Variants in IQANK1 observed in about 807,000 individuals in gnomAD.
The protein encoded by IQANK1 is IQ motif and ankyrin repeat domain-containing protein 1.
A neutral mutation model predicts 22.6 loss-of-function variants in IQANK1; 30 were observed. That is an observed-to-expected ratio of 1.33 (90% CI 0.99 to 1.80). The LOEUF (loss-of-function observed/expected upper bound fraction) is 1.80. Among genes scored for constraint, IQANK1 ranks in the 40% most tolerant of loss-of-function variants. IQANK1 has a pLI of 0.00. For missense variants in IQANK1, 275 were observed against 235.2 expected, an observed-to-expected ratio of 1.17 and a Z score of -1.11; for synonymous variants, 122 against 99.6, an observed-to-expected ratio of 1.23 and a Z score of -1.34.
chr8:143,744,950 A>G (rs1818998433), intron 3 of IQANK1: 1 of 152,238 alleles, frequency 6.6e-6, no homozygotes, highest in Non-Finnish European at 1.5e-5. Context: ...ATCTTGTCAA[A>G]GTCCTGGCGT....
chr8:143,774,639 C>T lies in IQANK1; in HGVS notation c.789+2157C>T, dbSNP rs1332859808. Among the ~76,000 whole-genome samples the T allele has an allele frequency of 6.6e-6, 1 of 152,212 alleles. No individual in the cohort carries two copies. The highest frequency in any genetic ancestry group is 1.5e-5 in the Non-Finnish European group (1 of 68,030). ...ACACATTTACCATGTAACACAGCAT[C>T]AGACTCCTAGACATTTGCTCCAGTA... On this transcript the variant is annotated intron_variant, in intron 7 of 13. Coordinates refer to ENST00000527139, the MANE Select transcript of IQANK1 (RefSeq NM_001381874.1). The surrounding 1 kb of genome is among the most constrained non-coding windows in gnomAD (Gnocchi z 4.2).
intron 3 of IQANK1, among the ~76,000 whole-genome samples, chr8:143,750,640 A>G (rs1554627918): frequency 6.6e-6 from 1 of 152,052 alleles, no homozygotes; most frequent in Non-Finnish European, 1.5e-5. Context: ...GTTGGAGACC[A>G]GCCTGGGCCA....
intron 3 of IQANK1, chr8:143,742,748 C>T (rs550221529): frequency 4.6e-5 from 21 of 455,770 alleles, no homozygotes; most frequent in Admixed American, 1.2e-4. Flanking sequence ...CTCCTGCACA[C>T]GGGATCCTCC....
Position 143,788,970 on chromosome 8 carries a change from C to T in IQANK1, c.845C>T (p.Thr282Met), listed in dbSNP as rs782536572. 30 of 399,336 alleles carry T rather than the reference C, an allele frequency of 7.5e-5. No individual in the cohort carries two copies. The highest frequency in any genetic ancestry group is 2.6e-4 in the Admixed American group (6 of 22,712). 24.7% of individuals were successfully genotyped at this position (399,336 alleles called of 1,614,324 possible). A position where few individuals can be genotyped will look rare whatever the true frequency, so the allele number is the denominator to read the frequency against. ...CTGCGCTCGTGGGACCTGAGCCTCA[C>T]GGAGGCCATGCTCCAGAACATGGAG... ...SVLRSWDLSL[T>M]EAMLQNMEAE... Residue 282 changes from threonine to methionine, a missense_variant, in exon 8 of 14, where the codon ACG becomes ATG. Transcript: ENST00000527139.
At position 143,757,010 on chromosome 8, in the gene IQANK1, G is replaced by A. The variant is rs1554628540; in HGVS notation, c.176-14478G>A. Among the ~76,000 whole-genome samples the A allele has an allele frequency of 3.9e-5, 6 of 151,978 alleles. No individual in the cohort carries two copies. In the South Asian group the frequency reaches 1.2e-3, roughly 32 times the overall value. On this transcript the variant is annotated intron_variant, in intron 3 of 13. Transcript: ENST00000527139. ...AAAAGTCTTATGCAGAAAAGAGCAT[G>A]ACTTTGCTCTAAAACGCTAGGGTTC...
intron 3 of IQANK1, chr8:143,746,381 ACT>A (rs1159482354): frequency 2.0e-5 from 3 of 151,556 alleles, no homozygotes; most frequent in African/African-American, 7.3e-5. Context: ...GGTTTCTCTC[ACT>A]CTCTTCTTTT....
chr8:143,778,865 G>A (rs1337183380), intron 7 of IQANK1, among the ~76,000 whole-genome samples: 1 of 152,190 alleles, frequency 6.6e-6, no homozygotes, highest in Non-Finnish European at 1.5e-5. Flanking sequence ...GGGTTTATGC[G>A]GTTCTCCTGC....
chr8:143,785,202 G>T (rs1819863776), intron 7 of IQANK1, among the ~76,000 whole-genome samples: 1 of 150,572 alleles, frequency 6.6e-6, no homozygotes, highest in Non-Finnish European at 1.5e-5. Flanking sequence ...TGTAGTTTCT[G>T]CAGATTTTTG....
intron 7 of IQANK1, among the ~76,000 whole-genome samples, chr8:143,787,037 G>A (rs1819902325): frequency 6.6e-6 from 1 of 152,190 alleles, no homozygotes; most frequent in Non-Finnish European, 1.5e-5. Context: ...TGACGCCTAG[G>A]GGAAACTGCT....
chr8:143,770,948 G>C (rs1347788378), intron 3 of IQANK1, among the ~76,000 whole-genome samples: 2 of 152,218 alleles, frequency 1.3e-5, no homozygotes, highest in Non-Finnish European at 1.5e-5. Flanking sequence ...GGCGGCTCCA[G>C]GCTCGGGCTC....
chr8:143,764,451 CAAAA>C (rs33978948), intron 3 of IQANK1, among the ~76,000 whole-genome samples: 2 of 129,494 alleles, frequency 1.5e-5, no homozygotes, highest in Admixed American at 7.9e-5. Flanking sequence ...TCCGTCGCTA[CAAAA>C]AAAAAAAAAA....
At chr8:143,752,996 G>GTT (rs34993930) in intron 3 of IQANK1, among the ~76,000 whole-genome samples, 2,828 of 69,928 alleles carry the variant, frequency 0.04, 422 homozygotes, top group East Asian at 0.068. Context: ...CTCTCTGTTC[G>GTT]TTTTTTTTTT....
intron 2 of IQANK1, among the ~76,000 whole-genome samples, chr8:143,739,197 G>A (rs1401019438): frequency 6.6e-6 from 1 of 152,186 alleles, no homozygotes; most frequent in Non-Finnish European, 1.5e-5. Context: ...GGGGTGCAGG[G>A]CTAGCCCCAA....
intron 7 of IQANK1, among the ~76,000 whole-genome samples, chr8:143,775,315 A>G (rs556942564): frequency 6.6e-6 from 1 of 151,074 alleles, no homozygotes; most frequent in African/African-American, 2.4e-5. Flanking sequence ...ATAAAAATTT[A>G]GTTAAATTGC....
At position 143,761,324 on chromosome 8, in the gene IQANK1, C is replaced by T. The variant is rs552915389; in HGVS notation, c.176-10164C>T. ...GACGCCCGGCCCCTGCCTGCTGCTC[C>T]GGCCCCGGGAAGCTGCGCGCGGACG... On this transcript the variant is annotated intron_variant, in intron 3 of 13. Transcript: ENST00000527139. Among the ~76,000 whole-genome samples, 4 of 152,368 alleles carry T rather than the reference C, an allele frequency of 2.6e-5. No homozygotes were observed. The East Asian group carries it at 5.8e-4, about 22-fold the overall frequency.
chr8:143,771,497 A>G lies in IQANK1; in HGVS notation c.185A>G (p.Glu62Gly). The part of the protein sequence containing the change: ...ESPQAPTGPA[E>G]DRAARAIQGA... ...CCTCTCCCCACCCCAGGGCCGGCCG[A>G]GGACCGAGCGGCCAGAGCGATCCAG... Residue 62 changes from glutamate to glycine, a missense_variant, in exon 4 of 14, where the codon GAG (glutamate) becomes GGG (glycine). Coordinates refer to ENST00000527139, the MANE Select transcript of IQANK1 (RefSeq NM_001381874.1). This position sits in a 1 kb window ranked among gnomAD's most constrained non-coding sequence, Gnocchi z 6.0. 2.5e-6 allele frequency: 1 copy of G among 397,890 alleles called. No homozygotes were observed. The highest frequency in any genetic ancestry group is 6.3e-4 in the Middle Eastern group (1 of 1,594). The allele number at this position is 397,890 out of a possible 1,614,324, so 24.6% of individuals were successfully genotyped here. A position where few individuals can be genotyped will look rare whatever the true frequency, so the allele number is the denominator to read the frequency against.
chr8:143,735,946 C>T lies in IQANK1; in HGVS notation c.85+8C>T. ...AGACAAGAGCTGCTGCTGGTAAGTGCACCCTCTGACCTCCAGAGCACTGTC... is the reference window on the plus strand; with the variant it reads ...AGACAAGAGCTGCTGCTGGTAAGTGTACCCTCTGACCTCCAGAGCACTGTC... On this transcript the variant is annotated splice_region_variant and intron_variant, in intron 2 of 13. Coordinates refer to ENST00000527139, the MANE Select transcript of IQANK1 (RefSeq NM_001381874.1). This position sits in a 1 kb window ranked among gnomAD's most constrained non-coding sequence, Gnocchi z 5.2. The T allele has an allele frequency of 1.4e-6, 1 of 702,568 alleles. No homozygotes were observed. The highest frequency in any genetic ancestry group is 2.6e-6 in the Non-Finnish European group (1 of 384,888). 43.5% of individuals were successfully genotyped at this position (702,568 alleles called of 1,614,324 possible). A position where few individuals can be genotyped will look rare whatever the true frequency, so the allele number is the denominator to read the frequency against.
chr8:143,737,939 C>T (rs2129751250), intron 2 of IQANK1, among the ~76,000 whole-genome samples: 1 of 152,326 alleles, frequency 6.6e-6, no homozygotes, highest in Middle Eastern at 3.4e-3. Flanking sequence ...GTCCCCTGCT[C>T]CACAGCCTTC....
At chr8:143,780,209 A>G (rs1489408717) in intron 7 of IQANK1, among the ~76,000 whole-genome samples, 2 of 152,316 alleles carry the variant, frequency 1.3e-5, no homozygotes, top group East Asian at 1.9e-4. Context: ...TGAAATATGT[A>G]TAAAGTTCCC....
Sources: gnomAD v4.1 joint callset for allele counts (sites outside exome capture counted in the v4.1 genomes callset) on GRCh38, gnomAD v4.1.1 for gene constraint, Gnocchi (gnomAD v3.1) non-coding constraint, MANE v1.5 for transcripts, NCBI Gene and HGNC (gene_info 2026-07-23, HGNC 2026-07-21) for gene names.